The following BAHCC1 variants were observed in gnomAD, a reference collection of about 807,000 sequenced individuals.
BAHCC1 encodes the protein BAH and coiled-coil domain-containing protein 1.
A neutral mutation model predicts 88.2 loss-of-function variants in BAHCC1; 43 were observed. The observed-to-expected ratio is 0.49, with a 90% CI of 0.38 to 0.63. The LOEUF (loss-of-function observed/expected upper bound fraction) is 0.63, where lower values mean the gene tolerates loss of function less well. BAHCC1 is among the 20% of genes least tolerant of loss of function. The pLI, the probability that BAHCC1 is intolerant of heterozygous loss-of-function variation, is 0.00. For missense variants in BAHCC1, 3,023 were observed against 1,654.8 expected, an observed-to-expected ratio of 1.83 and a Z score of -14.34; for synonymous variants, 1,510 against 745.5, an observed-to-expected ratio of 2.03 and a Z score of -16.71.
Position 81,458,601 on chromosome 17 carries a change from C to A in BAHCC1, c.5344-20C>A, listed in dbSNP as rs373479673. On this transcript the variant is annotated intron_variant, in intron 18 of 27. Coordinates refer to ENST00000675386, the MANE Select transcript of BAHCC1 (RefSeq NM_001377448.1). ...TGTCCCACCCTTGACTCAGCCCCTT[C>A]TCTGCCTGCCCACGCGCAGCGGAAG... 15 of 712,354 alleles carry A rather than the reference C, an allele frequency of 2.1e-5. No individual in the cohort carries two copies. Among genetic ancestry groups the A allele is most frequent in the Middle Eastern group, 2.8e-4 (1 of 3,520 alleles). The allele number at this position is 712,354 out of a possible 1,614,324, so 44.1% of individuals were successfully genotyped here.
Position 81,456,280 on chromosome 17 carries a change from C to T in BAHCC1, c.4570-17C>T, listed in dbSNP as rs2064747503. On this transcript the variant is annotated splice_polypyrimidine_tract_variant and intron_variant, in intron 15 of 27. Transcript: ENST00000675386. The stretch of plus-strand genomic sequence containing the variant: ...AGAGGGCGCCCTGAGAGTGCAGCTG[C>T]CCCTCCCTGTTCACAGGAGAAGGCG... 1 of 704,314 alleles carries T rather than the reference C, an allele frequency of 1.4e-6. No homozygotes were observed. 43.6% of individuals were successfully genotyped at this position (704,314 alleles called of 1,614,324 possible).
intron 1 of BAHCC1, among the ~76,000 whole-genome samples, chr17:81,397,659 C>G (rs945850267): frequency 2.6e-5 from 4 of 152,156 alleles, no homozygotes; most frequent in Admixed American, 1.3e-4. Context: ...TCCCCTGACC[C>G]CTGCGCTCGC....
intron 11 of BAHCC1, among the ~76,000 whole-genome samples, chr17:81,450,912 T>G (rs546268397): frequency 6.6e-6 from 1 of 152,092 alleles, no homozygotes; most frequent in Non-Finnish European, 1.5e-5. Flanking sequence ...TGTCTCAAAT[T>G]TAAAGGTATC....
intron 2 of BAHCC1, among the ~76,000 whole-genome samples, chr17:81,405,437 G>GT (rs377290429): frequency 6.6e-6 from 1 of 152,108 alleles, no homozygotes; most frequent in African/African-American, 2.4e-5. Flanking sequence ...CCACCCTGGG[G>GT]TTGGAGTAAG....
rs376434755 is a variant in BAHCC1 at position 81,447,532 on chromosome 17, G to A, written c.3660G>A (p.Pro1220=). 4.2e-4 allele frequency: 316 copies of A among 754,540 alleles called. 1 individual carries two copies. Among genetic ancestry groups the A allele is most frequent in the Middle Eastern group, 2.5e-3 (11 of 4,414 alleles). The allele number at this position is 754,540 out of a possible 1,614,324, so 46.7% of individuals were successfully genotyped here. A position where few individuals can be genotyped will look rare whatever the true frequency, so the allele number is the denominator to read the frequency against. Residue 1220 remains proline, a synonymous_variant, in exon 11 of 28, where the codon CCG becomes CCA. Coordinates refer to ENST00000675386, the MANE Select transcript of BAHCC1 (RefSeq NM_001377448.1). ...CCCTTGAGGACGAGGGGGAGCAGCC[G>A]GCCCCTGAGGAGGACGAGCTGGAGG... ...PGALEDEGEQ[P]APEEDELEED...
At chr17:81,439,149 CAG>C (rs1373940011) in intron 4 of BAHCC1, among the ~76,000 whole-genome samples, 3 of 152,172 alleles carry the variant, frequency 2.0e-5, no homozygotes, top group African/African-American at 4.8e-5. Flanking sequence ...CGAGTCCCCT[CAG>C]GGTACCGGAG....
At position 81,460,553 on chromosome 17, in the gene BAHCC1, C is replaced by A; in HGVS notation, c.6049C>A (p.Leu2017Ile). 1.3e-6 allele frequency: 1 copy of A among 763,306 alleles called. No homozygotes were observed. Among genetic ancestry groups the A allele is most frequent in the Non-Finnish European group, 2.4e-6 (1 of 409,962 alleles). 47.3% of individuals were successfully genotyped at this position (763,306 alleles called of 1,614,324 possible). A position where few individuals can be genotyped will look rare whatever the true frequency, so the allele number is the denominator to read the frequency against. The change falls in exon 25 of 28, where the codon CTA (leucine) becomes ATA (isoleucine). Residue 2017 changes from leucine (L) to isoleucine (I), a missense_variant. Leu to Ile is a conservative substitution (Grantham distance 5). Transcript: ENST00000675386. ...AGGCACAGAGCCCTCTCCAGCCCTG[C>A]TAGTGTCTAGCAGCTGCCGGAGGAC... Reference protein sequence around the residue: ...IQCTEPSPALLVSSSCRRTKK... With the variant: ...IQCTEPSPALIVSSSCRRTKK...
chr17:81,401,855 TC>T (rs1332025998), intron 2 of BAHCC1: 1 of 152,350 alleles, frequency 6.6e-6, no homozygotes, highest in Non-Finnish European at 1.5e-5. Flanking sequence ...CCAGCTCACA[TC>T]CTGGCCAGGT....
chr17:81,462,649 C>T, intron 26 of BAHCC1, 91 bp from the exon 27 acceptor site: 1 of 674,320 alleles, frequency 1.5e-6, no homozygotes, highest in Non-Finnish European at 2.7e-6. Context: ...CTCACACTCA[C>T]ACCCACACCA....
chr17:81,406,949 C>A (rs955296283), intron 2 of BAHCC1: 13 of 456,254 alleles, frequency 2.8e-5, no homozygotes, highest in Admixed American at 2.6e-4. Flanking sequence ...GGGTTTTTTT[C>A]ATTCTGACCT....
At chr17:81,421,336 C>T (rs577066894) in intron 2 of BAHCC1, among the ~76,000 whole-genome samples, 4 of 152,214 alleles carry the variant, frequency 2.6e-5, no homozygotes, top group East Asian at 1.9e-4. Context: ...GGCCACTGGT[C>T]GGCGGGGGGG....
Position 81,451,849 on chromosome 17 carries a change from C to T in BAHCC1, c.4158C>T (p.Thr1386=), listed in dbSNP as rs782379292. Residue 1386 remains threonine, a synonymous_variant, in exon 12 of 28, where the codon ACC becomes ACT. Coordinates refer to ENST00000675386, the MANE Select transcript of BAHCC1 (RefSeq NM_001377448.1). ...TGCAGATCCTGCAGCGCAAGGACAC[C>T]TGGACCCCCAAGACCAAGCCTGTGA... ...PRMQILQRKD[T]WTPKTKPVCP... The T allele has an allele frequency of 1.5e-5, 11 of 747,776 alleles. No homozygotes were observed. The highest frequency in any genetic ancestry group is 1.1e-4 in the Admixed American group (6 of 56,472). 46.3% of individuals were successfully genotyped at this position (747,776 alleles called of 1,614,324 possible).
intron 3 of BAHCC1, among the ~76,000 whole-genome samples, 165 bp downstream of exon 3, chr17:81,427,144 C>T (rs1285515502): frequency 6.6e-6 from 1 of 152,128 alleles, no homozygotes; most frequent in East Asian, 1.9e-4. Flanking sequence ...CGAGGAAGCC[C>T]CGGGGGAAGT....
At chr17:81,428,309 C>T (rs1459688597) in intron 3 of BAHCC1, among the ~76,000 whole-genome samples, 5 of 152,234 alleles carry the variant, frequency 3.3e-5, no homozygotes, top group African/African-American at 1.2e-4. Flanking sequence ...CCCGGCCAGC[C>T]ACAGCATCTG....
At chr17:81,409,389 T>G (rs2063920618) in intron 2 of BAHCC1, among the ~76,000 whole-genome samples, 1 of 152,098 alleles carries the variant, frequency 6.6e-6, no homozygotes, top group African/African-American at 2.4e-5. Context: ...CTGCGCCGGC[T>G]GAGTGGCCTG....
At chr17:81,422,682 C>G (rs1323343537) in intron 2 of BAHCC1, 2 of 343,774 alleles carry the variant, frequency 5.8e-6, no homozygotes, top group African/African-American at 2.3e-5. Context: ...CGGGGAGTGT[C>G]CTGCCCCCAC....
intron 3 of BAHCC1, among the ~76,000 whole-genome samples, chr17:81,428,720 C>A (rs919288081): frequency 2.0e-5 from 3 of 152,224 alleles, no homozygotes; most frequent in Non-Finnish European, 4.4e-5. Context: ...CAGACAGCAC[C>A]CACAACGGCC....
intron 2 of BAHCC1, among the ~76,000 whole-genome samples, chr17:81,424,638 TGTG>T (rs2064153196): frequency 6.6e-6 from 1 of 151,872 alleles, no homozygotes; most frequent in Admixed American, 6.6e-5. Flanking sequence ...TGGTGGATGA[TGTG>T]GTTGGTGGTA....
chr17:81,435,848 G>A lies in BAHCC1; in HGVS notation c.359-2522G>A, dbSNP rs1452756334. On this transcript the variant is annotated intron_variant, in intron 3 of 27. Transcript: ENST00000675386. The surrounding 1 kb of genome is among the most constrained non-coding windows in gnomAD (Gnocchi z 4.4). Reference sequence around the variant, plus strand: ...TGGCAGCCCCTTCCAGGATGCCTGTGTGTCCCCGGCCCAGCCACAGCAGCC... The same window carrying A: ...TGGCAGCCCCTTCCAGGATGCCTGTATGTCCCCGGCCCAGCCACAGCAGCC... 3.9e-5 allele frequency among the ~76,000 whole-genome samples: 6 copies of A among 152,044 alleles called. No homozygotes were observed. Among genetic ancestry groups the A allele is most frequent in the Non-Finnish European group, 4.4e-5 (3 of 68,000 alleles).
Sources: allele counts gnomAD v4.1 joint callset (sites outside exome capture counted in the v4.1 genomes callset), GRCh38; gene constraint gnomAD v4.1.1; non-coding constraint Gnocchi (gnomAD v3.1); transcripts MANE v1.5; gene names NCBI Gene and HGNC (gene_info 2026-07-23, HGNC 2026-07-21).